RABGAP1L: variants seen among roughly 807,000 people sequenced by gnomAD.
RABGAP1L encodes RAB GTPase activating protein 1 like.
In RABGAP1L, 63 loss-of-function variants were observed where a neutral mutation model predicts 137.7. That is an observed-to-expected ratio of 0.46 (90% CI 0.37 to 0.56). The LOEUF (loss-of-function observed/expected upper bound fraction) is 0.56. RABGAP1L is among the 20% of genes least tolerant of loss of function. The pLI, the probability that RABGAP1L is intolerant of heterozygous loss-of-function variation, is 0.00. For missense variants in RABGAP1L, 1,095 were observed against 1,244.0 expected (o/e 0.88, Z 1.80); for synonymous variants, 431 against 433.7 (o/e 0.99, Z 0.08).
At chr1:174,394,930 AT>A (rs2149085963) in intron 13 of RABGAP1L, among the ~76,000 whole-genome samples, 1 of 147,970 alleles carries the variant, frequency 6.8e-6, no homozygotes, top group South Asian at 2.2e-4. Flanking sequence ...GCCTAGTATA[AT>A]TATCACTGCT....
intron 13 of RABGAP1L, among the ~76,000 whole-genome samples, chr1:174,513,442 T>C (rs2147812267): frequency 6.6e-6 from 1 of 151,926 alleles, no homozygotes; most frequent in African/African-American, 2.4e-5. Flanking sequence ...ACCCTGTCTC[T>C]ACAAAAATTA....
chr1:174,690,351 T>C (rs995524910), intron 15 of RABGAP1L, among the ~76,000 whole-genome samples: 4 of 152,126 alleles, frequency 2.6e-5, no homozygotes, highest in Admixed American at 1.3e-4. Flanking sequence ...AATAATGCAG[T>C]TATGAGATTA....
At chr1:174,503,062 TGGTG>T (rs1661472836) in intron 13 of RABGAP1L, among the ~76,000 whole-genome samples, 1 of 152,126 alleles carries the variant, frequency 6.6e-6, no homozygotes, top group African/African-American at 2.4e-5. Context: ...GCATATGTGT[TGGTG>T]GGTGGGTAAG....
At chr1:174,236,519 G>C (rs1190800454) in intron 4 of RABGAP1L, among the ~76,000 whole-genome samples, 1 of 149,312 alleles carries the variant, frequency 6.7e-6, no homozygotes, top group Non-Finnish European at 1.5e-5. Context: ...CCTTCATTTC[G>C]TTATGTACCC....
rs562650682 is a variant in RABGAP1L at position 174,328,321 on chromosome 1, CA to C, written c.1465+23201del. ...GCTACAAAATAAGGCTTAACAAATTCAAAAAAAGTGAAATTATATCAAGCGT... is the reference window on the plus strand; with the variant it reads ...GCTACAAAATAAGGCTTAACAAATTCAAAAAAGTGAAATTATATCAAGCGT... On this transcript the variant is annotated intron_variant, in intron 11 of 25. Transcript: ENST00000681986. 2.6e-5 allele frequency among the ~76,000 whole-genome samples: 4 copies of C among 151,592 alleles called. 1 individual carries two copies. The South Asian group carries it at 8.3e-4, about 32-fold the overall frequency.
chr1:174,899,935 TG>T (rs1012125485), intron 19 of RABGAP1L, among the ~76,000 whole-genome samples: 4 of 151,040 alleles, frequency 2.6e-5, no homozygotes, highest in Admixed American at 2.6e-4. Context: ...GGGGAATGTT[TG>T]GGGGGGTAGA....
chr1:174,521,809 G>A (rs989369413), intron 13 of RABGAP1L, among the ~76,000 whole-genome samples: 20 of 152,096 alleles, frequency 1.3e-4, no homozygotes, highest in East Asian at 7.7e-4. Context: ...GGCTGGGTGC[G>A]GTGGCTCACA....
intron 14 of RABGAP1L, among the ~76,000 whole-genome samples, chr1:174,646,962 T>C (rs1244873540): frequency 6.6e-6 from 1 of 152,158 alleles, no homozygotes; most frequent in East Asian, 1.9e-4. Flanking sequence ...TATTTTATTC[T>C]CTTTGTAGCA....
At chr1:174,921,453 TAATA>T (rs1273786376) in intron 19 of RABGAP1L, among the ~76,000 whole-genome samples, 1 of 152,212 alleles carries the variant, frequency 6.6e-6, no homozygotes, top group Non-Finnish European at 1.5e-5. Flanking sequence ...CTGAGACATA[TAATA>T]AAGGTGTACA....
chr1:174,366,021 T>C (rs963199239), intron 11 of RABGAP1L, among the ~76,000 whole-genome samples: 1 of 152,158 alleles, frequency 6.6e-6, no homozygotes, highest in Non-Finnish European at 1.5e-5. Context: ...TTTGATTTTT[T>C]TTTGGTGACA....
intron 13 of RABGAP1L, among the ~76,000 whole-genome samples, chr1:174,502,904 T>C (rs1208516807): frequency 6.6e-6 from 1 of 152,110 alleles, no homozygotes; most frequent in Admixed American, 6.6e-5. Flanking sequence ...ATAACAGATA[T>C]GTGGTTATAA....
At chr1:174,981,215 T>C (rs558155381) in intron 23 of RABGAP1L, among the ~76,000 whole-genome samples, 65 of 152,342 alleles carry the variant, frequency 4.3e-4, no homozygotes, top group Non-Finnish European at 7.3e-4. Context: ...AGACACAATC[T>C]AAATGCATTC....
At chr1:174,424,560 A>G (rs1346872908) in intron 13 of RABGAP1L, among the ~76,000 whole-genome samples, 1 of 152,070 alleles carries the variant, frequency 6.6e-6, no homozygotes, top group African/African-American at 2.4e-5. Context: ...GTTTGGCAGC[A>G]GTTGGCTTTT....
chr1:174,775,011 A>C (rs1020433107), intron 18 of RABGAP1L, among the ~76,000 whole-genome samples: 20 of 152,170 alleles, frequency 1.3e-4, no homozygotes, highest in African/African-American at 3.4e-4. Flanking sequence ...TCACTCAAGG[A>C]CTCAGGTTCT....
chr1:174,261,615 G>A (rs1035734268), intron 7 of RABGAP1L, among the ~76,000 whole-genome samples: 1 of 152,168 alleles, frequency 6.6e-6, no homozygotes, highest in Non-Finnish European at 1.5e-5. Context: ...AGTGTGAGTT[G>A]ACATCACTAA....
intron 13 of RABGAP1L, among the ~76,000 whole-genome samples, chr1:174,550,883 TATATATATATATACAC>T (rs1163327317): frequency 7.5e-4 from 43 of 56,988 alleles, no homozygotes; most frequent in Admixed American, 1.8e-3. Context: ...TATATATATA[TATATATATATATACAC>T]ACACACATAT....
intron 13 of RABGAP1L, among the ~76,000 whole-genome samples, chr1:174,449,428 C>T (rs947949438): frequency 6.6e-6 from 1 of 151,852 alleles, no homozygotes; most frequent in Non-Finnish European, 1.5e-5. Context: ...TATTAGTGTG[C>T]AGTAATAGGA....
chr1:174,457,438 G>T (rs1400888756), intron 13 of RABGAP1L, among the ~76,000 whole-genome samples: 2 of 151,458 alleles, frequency 1.3e-5, no homozygotes, highest in African/African-American at 2.4e-5. Context: ...TAGCTTGAGG[G>T]ATTGCACATA....
At chr1:174,584,064 C>T (rs147131098) in intron 13 of RABGAP1L, among the ~76,000 whole-genome samples, 1 of 152,106 alleles carries the variant, frequency 6.6e-6, no homozygotes, top group East Asian at 1.9e-4. Flanking sequence ...AGTGCTTGTC[C>T]CTATTGTGCC....
Sources: gnomAD v4.1 joint callset for allele counts (sites outside exome capture counted in the v4.1 genomes callset) on GRCh38, gnomAD v4.1.1 for gene constraint, MANE v1.5 for transcripts, NCBI Gene and HGNC (gene_info 2026-07-23, HGNC 2026-07-21) for gene names.